CASC3: variants seen among roughly 807,000 people sequenced by gnomAD.
CASC3 encodes the protein CASC3 exon junction complex subunit, also known as protein CASC3.
Under a neutral mutation model 80.5 loss-of-function variants are expected in CASC3, and 30 were observed. The ratio of observed to expected loss-of-function variants is 0.37; its 90% confidence interval spans 0.28 to 0.51. CASC3 has a LOEUF of 0.51. Ranked by LOEUF, CASC3 falls within the 20% of genes least tolerant of loss-of-function variation. CASC3 has a pLI of 0.94. For synonymous variants in CASC3, 312 were observed against 333.6 expected, an observed-to-expected ratio of 0.94 and a Z score of 0.70; for missense variants, 824 against 922.2, an observed-to-expected ratio of 0.89 and a Z score of 1.38.
At chr17:40,158,468 T>C (rs1302766632) in intron 3 of CASC3, among the ~76,000 whole-genome samples, 6 of 152,182 alleles carry the variant, frequency 3.9e-5, no homozygotes, top group Admixed American at 3.9e-4. Context: ...TCCCTAGCCA[T>C]AGCTCTGCCT....
At chr17:40,148,610 T>A (rs189976744) in intron 3 of CASC3, among the ~76,000 whole-genome samples, 9 of 152,172 alleles carry the variant, frequency 5.9e-5, no homozygotes, top group African/African-American at 2.2e-4. Context: ...TCCACCCACC[T>A]TGGCCTCCCA....
intron 3 of CASC3, among the ~76,000 whole-genome samples, chr17:40,157,379 T>A (rs187644366): frequency 0.027 from 3,666 of 133,696 alleles, 51 homozygotes; most frequent in South Asian, 0.056. Flanking sequence ...ATTAATTAAT[T>A]AATTAATTAA....
intron 8 of CASC3, chr17:40,167,114 A>G (rs1989469243): frequency 3.8e-6 from 2 of 520,766 alleles, no homozygotes; most frequent in Non-Finnish European, 3.4e-6. Flanking sequence ...GGCACGTGCC[A>G]TCATGCCCAG....
At chr17:40,164,749 C>CGTTT (rs1567683752) in intron 7 of CASC3, among the ~76,000 whole-genome samples, 5 of 87,870 alleles carry the variant, frequency 5.7e-5, no homozygotes, top group African/African-American at 3.3e-4. Context: ...CCGTGCCTGG[C>CGTTT]CTTTTTTTTT....
intron 7 of CASC3, among the ~76,000 whole-genome samples, chr17:40,164,877 TC>T (rs1306581758): frequency 6.8e-6 from 1 of 146,672 alleles, no homozygotes; most frequent in Non-Finnish European, 1.5e-5. Flanking sequence ...TGCCTCAGCC[TC>T]CTGAGTAGCT....
intron 3 of CASC3, among the ~76,000 whole-genome samples, chr17:40,157,513 T>C (rs958491101): frequency 6.6e-6 from 1 of 151,468 alleles, no homozygotes; most frequent in South Asian, 2.1e-4. Context: ...TTATCTCTAC[T>C]AAAAGTACGA....
chr17:40,155,569 A>G (rs537404678), intron 3 of CASC3, among the ~76,000 whole-genome samples: 15 of 152,304 alleles, frequency 9.8e-5, no homozygotes, highest in Admixed American at 5.9e-4. Context: ...CTTCCTGTCA[A>G]CGACAGGCCC....
chr17:40,148,468 G>A (rs374717118), intron 3 of CASC3, among the ~76,000 whole-genome samples: 10 of 151,904 alleles, frequency 6.6e-5, no homozygotes, highest in South Asian at 4.2e-4. Context: ...GGGTTCAAGC[G>A]ATTCTCCTGC....
intron 3 of CASC3, among the ~76,000 whole-genome samples, chr17:40,149,084 C>T (rs1988931287): frequency 6.6e-6 from 1 of 151,928 alleles, no homozygotes; most frequent in Non-Finnish European, 1.5e-5. Flanking sequence ...CCATGTTGGC[C>T]AGGCTGGTCT....
At chr17:40,165,697 T>C (rs1028961082) in intron 7 of CASC3, among the ~76,000 whole-genome samples, 12 of 152,128 alleles carry the variant, frequency 7.9e-5, no homozygotes, top group African/African-American at 2.7e-4. Context: ...AATAGAACTT[T>C]GTGTAATGAT....
At position 40,170,750 on chromosome 17, in the gene CASC3, G is replaced by A; in HGVS notation, c.*345G>A. ...CTTCTGGGAAATTGAAGTGTCTTCT[G>A]TTCCCAAGGAAGCTCCTTCCTGTTT... On this transcript the variant is annotated 3_prime_UTR_variant, in exon 14 of 14. Transcript: ENST00000264645. The A allele has an allele frequency of 1.0e-6, 1 of 985,474 alleles. No homozygotes were observed. The highest frequency in any genetic ancestry group is 1.2e-6 in the Non-Finnish European group (1 of 829,854). The allele number at this position is 985,474 out of a possible 1,614,324, so 61.0% of individuals were successfully genotyped here. A position where few individuals can be genotyped will look rare whatever the true frequency, so the allele number is the denominator to read the frequency against.
At chr17:40,161,614 G>C (rs534603322) in intron 3 of CASC3, 139 bp from the exon 4 acceptor site, 40 of 726,584 alleles carry the variant, frequency 5.5e-5, no homozygotes, top group Admixed American at 9.7e-5. Context: ...TGGAGGCAGA[G>C]GTTACAGTGA....
At chr17:40,161,973 G>A (rs772720131) in intron 4 of CASC3, 29 bp from the exon 5 acceptor site, 2 of 1,612,680 alleles carry the variant, frequency 1.2e-6, no homozygotes, top group South Asian at 1.1e-5. Context: ...AGGCTTGGAA[G>A]AGTAAGGATC....
At chr17:40,150,415 C>T (rs991870502) in intron 3 of CASC3, among the ~76,000 whole-genome samples, 36 of 149,042 alleles carry the variant, frequency 2.4e-4, no homozygotes, top group South Asian at 4.3e-4. Context: ...AGAGTGTGTG[C>T]GTGTGTGTGT....
intron 3 of CASC3, among the ~76,000 whole-genome samples, chr17:40,155,541 T>G (rs1989125004): frequency 6.6e-6 from 1 of 152,214 alleles, no homozygotes; most frequent in Non-Finnish European, 1.5e-5. Flanking sequence ...AGGTGAAGAC[T>G]GACCTCAGTG....
Position 40,167,561 on chromosome 17 carries a change from C to T in CASC3, c.1600C>T (p.Pro534Ser), listed in dbSNP as rs778799584. The change falls in exon 9 of 14, where the codon CCC (proline) becomes TCC (serine). Residue 534 changes from proline (P) to serine (S), a missense_variant. Around this residue, in one of 3 missense-constraint regions of CASC3, gnomAD observed 464 missense variants for 506.0 expected, o/e 0.92. Coordinates refer to ENST00000264645, the MANE Select transcript of CASC3 (RefSeq NM_007359.5). ...GCGGCAAAGACCTGTGCCAGAGCCCCCCGCCCCTCCAGTGCATATCAGTAT... is the reference window on the plus strand; with the variant it reads ...GCGGCAAAGACCTGTGCCAGAGCCCTCCGCCCCTCCAGTGCATATCAGTAT... ...SQRQRPVPEP[P>S]APPVHISIME... 2.5e-6 allele frequency: 4 copies of T among 1,614,060 alleles called. No homozygotes were observed. In the East Asian group the frequency reaches 6.7e-5, roughly 27 times the overall value.
rs746704281 is a variant in CASC3 at position 40,140,765 on chromosome 17, G to GAGGAGTCGGAGTGTGTGAGTGCGC, written c.218_231+10dup. 1.2e-4 allele frequency: 178 copies of GAGGAGTCGGAGTGTGTGAGTGCGC among 1,487,166 alleles called. No individual in the cohort carries two copies. Among genetic ancestry groups the GAGGAGTCGGAGTGTGTGAGTGCGC allele is most frequent in the Non-Finnish European group, 1.5e-4 (164 of 1,117,590 alleles). 92.1% of individuals were successfully genotyped at this position (1,487,166 alleles called of 1,614,324 possible). A position where few individuals can be genotyped will look rare whatever the true frequency, so the allele number is the denominator to read the frequency against. ...GGAGAGCGGGGGCGCCAAGAGTGCT[G>GAGGAGTCGGAGTGTGTGAGTGCGC]AGGAGTCGGAGTGTGTGAGTGCGCG... is the stretch of plus-strand genomic sequence containing the variant. On this transcript the variant is annotated inframe_insertion, in exon 1 of 14. Coordinates refer to ENST00000264645, the MANE Select transcript of CASC3 (RefSeq NM_007359.5).
At chr17:40,153,161 C>A (rs1220446288) in intron 3 of CASC3, among the ~76,000 whole-genome samples, 2 of 152,150 alleles carry the variant, frequency 1.3e-5, no homozygotes, top group African/African-American at 2.4e-5. Context: ...TTACCACGAT[C>A]TCATTTTCGC....
Position 40,140,720 on chromosome 17 carries a change from G to A in CASC3, c.172G>A (p.Ala58Thr), listed in dbSNP as rs754524245. Reference protein sequence around the residue: ...LPSQRGGRTGALHLRRVESGG... With the variant: ...LPSQRGGRTGTLHLRRVESGG... Reference sequence around the variant, plus strand: ...TTCACAGCGCGGAGGCCGAACCGGGGCCCTTCATCTGCGGCGGGTGGAGAG... The same window carrying A: ...TTCACAGCGCGGAGGCCGAACCGGGACCCTTCATCTGCGGCGGGTGGAGAG... The change falls in exon 1 of 14, where the codon GCC becomes ACC. Residue 58 changes from alanine to threonine, a missense_variant. Physicochemically the swap from Ala to Thr is moderately conservative, Grantham distance 58. Transcript: ENST00000264645. The A allele has an allele frequency of 6.4e-7, 1 of 1,557,136 alleles. No homozygotes were observed. Among genetic ancestry groups the A allele is most frequent in the Non-Finnish European group, 8.7e-7 (1 of 1,153,192 alleles).
Sources: allele counts gnomAD v4.1 joint callset (sites outside exome capture counted in the v4.1 genomes callset), GRCh38; gene constraint gnomAD v4.1.1; regional missense constraint gnomAD v4.1.1; transcripts MANE v1.5; gene names NCBI Gene and HGNC (gene_info 2026-07-23, HGNC 2026-07-21).